SLC1A3: variants seen among roughly 807,000 people sequenced by gnomAD.
SLC1A3 encodes the protein excitatory amino acid transporter 1.
Under a neutral mutation model 48.1 loss-of-function variants are expected in SLC1A3, and 21 were observed. The ratio of observed to expected loss-of-function variants is 0.44; its 90% CI spans 0.31 to 0.63. The LOEUF (loss-of-function observed/expected upper bound fraction) is 0.63, where lower values mean the gene tolerates loss of function less well. Among genes scored for constraint, SLC1A3 ranks in the 20% least tolerant of loss-of-function variants. The pLI is 0.08. For synonymous variants in SLC1A3, 239 were observed against 251.4 expected (o/e 0.95, Z 0.47); for missense variants, 546 against 689.0 (o/e 0.79, Z 2.32).
chr5:36,667,165 C>T (rs769383769), intron 3 of SLC1A3, among the ~76,000 whole-genome samples: 4 of 152,162 alleles, frequency 2.6e-5, no homozygotes, highest in Non-Finnish European at 4.4e-5. Flanking sequence ...CAAATATCCA[C>T]GGCTCTCCAC....
chr5:36,653,852 T>A (rs1741182969), intron 3 of SLC1A3, among the ~76,000 whole-genome samples: 1 of 152,224 alleles, frequency 6.6e-6, no homozygotes. Flanking sequence ...TTTGTTTGTT[T>A]GTTTTGTTTT....
chr5:36,629,599 AGTTGTTG>A lies in SLC1A3; in HGVS notation c.319+16_319+22del. On this transcript the variant is annotated intron_variant, in intron 3 of 9. Coordinates refer to ENST00000265113, the MANE Select transcript of SLC1A3 (RefSeq NM_004172.5). Reference sequence around the variant, plus strand: ...CAGTCTTGTCACAGGTACCATAAGCAGTTGTTGGTTTGTTTGGTTTTTTTTAAGTGTG... The same window carrying A: ...CAGTCTTGTCACAGGTACCATAAGCAGTTTGTTTGGTTTTTTTTAAGTGTG... 6.2e-7 allele frequency: 1 copy of A among 1,611,442 alleles called. No individual in the cohort carries two copies.
At chr5:36,679,966 G>T in intron 7 of SLC1A3, 106 bp downstream of exon 7, 1 of 783,384 alleles carries the variant, frequency 1.3e-6, no homozygotes. Flanking sequence ...AAACTTCCAA[G>T]AATGATGAGT....
intron 9 of SLC1A3, 57 bp from the exon 10 acceptor site, chr5:36,686,008 A>G: frequency 1.4e-6 from 2 of 1,451,990 alleles, no homozygotes; most frequent in African/African-American, 2.8e-5. Flanking sequence ...ACGTAAGTTG[A>G]AAACTTGTGA....
chr5:36,674,243 G>A, intron 5 of SLC1A3, 152 bp downstream of exon 5: 2 of 701,086 alleles, frequency 2.9e-6, no homozygotes, highest in Non-Finnish European at 5.1e-6. Flanking sequence ...TAGGAATTTT[G>A]GGGGGAAAGG....
At chr5:36,603,516 A>T (rs1328599699), upstream of SLC1A3, among the ~76,000 whole-genome samples, 1 of 152,234 alleles carries the variant, frequency 6.6e-6, no homozygotes, top group Non-Finnish European at 1.5e-5. Flanking sequence ...CTGTAGTTGG[A>T]TGTTTTTAGG....
At chr5:36,657,069 C>T (rs187496915) in intron 3 of SLC1A3, among the ~76,000 whole-genome samples, 3 of 152,240 alleles carry the variant, frequency 2.0e-5, no homozygotes, top group Admixed American at 1.3e-4. Context: ...TTGTATTGAT[C>T]CTTGATGCAT....
At chr5:36,658,484 T>C (rs1028322365) in intron 3 of SLC1A3, among the ~76,000 whole-genome samples, 1 of 152,182 alleles carries the variant, frequency 6.6e-6, no homozygotes, top group African/African-American at 2.4e-5. Context: ...ATTGAGTCTA[T>C]AGAAAAGAAG....
At chr5:36,624,536 T>C (rs539959797) in intron 2 of SLC1A3, among the ~76,000 whole-genome samples, 1 of 152,234 alleles carries the variant, frequency 6.6e-6, no homozygotes, top group African/African-American at 2.4e-5. Flanking sequence ...ATCTGTGAGA[T>C]GTGGATAACA....
At chr5:36,626,263 T>G (rs986645805) in intron 2 of SLC1A3, among the ~76,000 whole-genome samples, 1 of 152,176 alleles carries the variant, frequency 6.6e-6, no homozygotes, top group African/African-American at 2.4e-5. Context: ...CACCTAGTAT[T>G]TAGAATAATC....
chr5:36,637,239 G>T (rs552564911), intron 3 of SLC1A3, among the ~76,000 whole-genome samples: 1 of 152,170 alleles, frequency 6.6e-6, no homozygotes, highest in East Asian at 1.9e-4. Flanking sequence ...GGTTGGGTCC[G>T]CTGCTTTACC....
chr5:36,650,232 T>C (rs1175945433), intron 3 of SLC1A3, among the ~76,000 whole-genome samples: 1 of 152,200 alleles, frequency 6.6e-6, no homozygotes, highest in Non-Finnish European at 1.5e-5. Flanking sequence ...AGGATAGGGA[T>C]TGTCTATAGT....
chr5:36,656,775 A>C (rs1453410667), intron 3 of SLC1A3, among the ~76,000 whole-genome samples: 2 of 152,220 alleles, frequency 1.3e-5, no homozygotes, highest in Non-Finnish European at 2.9e-5. Context: ...CATTCAACAA[A>C]GCTATACTGA....
At chr5:36,605,141 T>G (rs990210329), upstream of SLC1A3, among the ~76,000 whole-genome samples, 2 of 152,234 alleles carry the variant, frequency 1.3e-5, no homozygotes, top group African/African-American at 4.8e-5. Flanking sequence ...ATATTGACTC[T>G]GTATTAGGTA....
At chr5:36,655,270 G>T (rs145477478) in intron 3 of SLC1A3, among the ~76,000 whole-genome samples, 31 of 152,254 alleles carry the variant, frequency 2.0e-4, no homozygotes, top group Non-Finnish European at 3.8e-4. Context: ...CAGGTGTAAG[G>T]TCTCTCTTTG....
chr5:36,680,416 C>G lies in SLC1A3; in HGVS notation c.1116C>G (p.Thr372=). The change falls in exon 8 of 10, where the codon ACC becomes ACG. Residue 372 remains threonine (T), a synonymous_variant. Transcript: ENST00000265113. The part of the protein sequence containing the change: ...TSSSSATLPI[T]FKCLEENNGV... Reference sequence around the variant, plus strand: ...TCAGTTCTGCCACCCTACCCATCACCTTCAAGTGCCTGGAAGAGAACAATG... The same window carrying G: ...TCAGTTCTGCCACCCTACCCATCACGTTCAAGTGCCTGGAAGAGAACAATG... The G allele has an allele frequency of 6.2e-7, 1 of 1,614,190 alleles. No homozygotes were observed. The highest frequency in any genetic ancestry group is 1.3e-5 in the African/African-American group (1 of 75,056).
rs544013501 is a variant in SLC1A3, at chr5:36,664,233, G to A, written c.320-6796G>A. On this transcript the variant is annotated intron_variant, in intron 3 of 9. Transcript: ENST00000265113. ...ACTGCAACCTCTGCCTCCCAGGTTC[G>A]AGGGATTCTCCTGCCTCAGCCTCCC... Among the ~76,000 whole-genome samples, 449 of 152,188 alleles carry A rather than the reference G, an allele frequency of 3.0e-3. 4 individuals carry two copies. Among genetic ancestry groups the A allele is most frequent in the African/African-American group, 0.01 (422 of 41,524 alleles).
chr5:36,645,412 C>T (rs1202309833), intron 3 of SLC1A3, among the ~76,000 whole-genome samples: 3 of 149,546 alleles, frequency 2.0e-5, no homozygotes, highest in African/African-American at 4.9e-5. Context: ...CTGTAACCTC[C>T]GCCTCCCAGG....
chr5:36,641,950 T>C (rs1040699557), intron 3 of SLC1A3, among the ~76,000 whole-genome samples: 6 of 152,226 alleles, frequency 3.9e-5, no homozygotes, highest in Non-Finnish European at 5.9e-5. Context: ...CAATTTCAAA[T>C]GTTCCAATAT....
Sources: allele counts gnomAD v4.1 joint callset (sites outside exome capture counted in the v4.1 genomes callset), GRCh38; gene constraint gnomAD v4.1.1; transcripts MANE v1.5; gene names NCBI Gene and HGNC (gene_info 2026-07-23, HGNC 2026-07-21).